Variants in PDE4D observed in about 807,000 individuals in gnomAD.
The protein encoded by PDE4D is phosphodiesterase 4D.
PDE4D carries 24 observed loss-of-function variants against 87.4 expected under a neutral mutation model. The observed-to-expected ratio is 0.27, with a 90% CI of 0.20 to 0.39. PDE4D has a LOEUF of 0.39. Among genes scored for constraint, PDE4D ranks in the 10% least tolerant of loss-of-function variants. The probability of loss-of-function intolerance (pLI) is 1.00; values close to 1 mark genes in which losing one functional copy is unlikely to be tolerated. For missense variants in PDE4D, 714 were observed against 1,041.0 expected, an observed-to-expected ratio of 0.69 and a Z score of 4.32; for synonymous variants, 384 against 383.2, an observed-to-expected ratio of 1.00 and a Z score of -0.02.
chr5:59,812,242 C>G (rs935967212), intron 1 of PDE4D, among the ~76,000 whole-genome samples: 2 of 152,206 alleles, frequency 1.3e-5, no homozygotes, highest in East Asian at 3.9e-4. Flanking sequence ...CTCCTTTTAT[C>G]TACTACCGCT....
intron 1 of PDE4D, among the ~76,000 whole-genome samples, chr5:59,290,490 G>C (rs759535597): frequency 6.6e-6 from 1 of 151,960 alleles, no homozygotes; most frequent in Non-Finnish European, 1.5e-5. Context: ...AAACATTGAA[G>C]AAAGTCTCTA....
At chr5:59,010,398 ATT>A (rs5868150) in intron 6 of PDE4D, among the ~76,000 whole-genome samples, 8 of 151,358 alleles carry the variant, frequency 5.3e-5, no homozygotes, top group Non-Finnish European at 1.2e-4. Flanking sequence ...TTATTATTTT[ATT>A]TTTTTTTAAT....
intron 1 of PDE4D, among the ~76,000 whole-genome samples, chr5:59,378,219 G>A (rs1785063684): frequency 1.3e-5 from 2 of 152,196 alleles, no homozygotes; most frequent in African/African-American, 4.8e-5. Context: ...TTATTAGTGG[G>A]AGCTAATTGA....
chr5:60,059,688 A>G (rs1380754535), intron 2 of PDE4D, among the ~76,000 whole-genome samples: 1 of 152,038 alleles, frequency 6.6e-6, no homozygotes, highest in African/African-American at 2.4e-5. Flanking sequence ...CAGGAGTGAC[A>G]TGGGGAACTG....
intron 1 of PDE4D, among the ~76,000 whole-genome samples, chr5:60,274,690 A>G (rs72755111): frequency 0.085 from 12,968 of 152,256 alleles, 588 homozygotes; most frequent in South Asian, 0.12. Context: ...AACAAGAAGT[A>G]TGTGCTCTTC....
At chr5:59,606,251 T>A (rs560444144) in intron 1 of PDE4D, among the ~76,000 whole-genome samples, 28 of 152,206 alleles carry the variant, frequency 1.8e-4, no homozygotes, top group African/African-American at 6.7e-4. Flanking sequence ...TTGTATTAAC[T>A]AAAGGAATTC....
At chr5:59,932,716 G>A (rs1756105952) in intron 3 of PDE4D, among the ~76,000 whole-genome samples, 1 of 152,162 alleles carries the variant, frequency 6.6e-6, no homozygotes, top group South Asian at 2.1e-4. Context: ...CCAACTTGGA[G>A]GAATCTGGAA....
chr5:59,489,891 T>C (rs1333594793), intron 1 of PDE4D, among the ~76,000 whole-genome samples: 1 of 152,188 alleles, frequency 6.6e-6, no homozygotes, highest in East Asian at 1.9e-4. Flanking sequence ...GCCGTTGTTT[T>C]CTTACACATA....
chr5:59,688,111 A>T (rs1179562608), intron 1 of PDE4D, among the ~76,000 whole-genome samples: 2 of 152,170 alleles, frequency 1.3e-5, no homozygotes, highest in Non-Finnish European at 2.9e-5. Context: ...CTCCCACACA[A>T]TAATAAAGAG....
intron 2 of PDE4D, among the ~76,000 whole-genome samples, chr5:60,110,126 C>T (rs1007028553): frequency 6.6e-6 from 1 of 151,966 alleles, no homozygotes; most frequent in African/African-American, 2.4e-5. Flanking sequence ...AACTATTTGG[C>T]TAAGACTTCA....
chr5:60,010,362 G>A (rs1764910929), intron 2 of PDE4D, among the ~76,000 whole-genome samples: 2 of 152,154 alleles, frequency 1.3e-5, no homozygotes, highest in South Asian at 4.1e-4. Context: ...TCTGAAACAT[G>A]TTTCTCTAAT....
intron 2 of PDE4D, among the ~76,000 whole-genome samples, chr5:60,105,446 T>A (rs555910680): frequency 1.2e-3 from 178 of 152,212 alleles, no homozygotes; most frequent in African/African-American, 3.4e-3. Context: ...CTGCAGGATA[T>A]TATCCAGGAG....
chr5:60,183,173 A>T (rs1347393338), intron 2 of PDE4D, among the ~76,000 whole-genome samples: 2 of 152,190 alleles, frequency 1.3e-5, no homozygotes, highest in Non-Finnish European at 2.9e-5. Context: ...GCTTACCAGG[A>T]ACAAAATTGG....
At chr5:59,882,896 G>GGTC (rs1168706669) in intron 1 of PDE4D, among the ~76,000 whole-genome samples, 2 of 151,946 alleles carry the variant, frequency 1.3e-5, no homozygotes, top group Non-Finnish European at 2.9e-5. Flanking sequence ...TCGTGTCTCA[G>GGTC]CCTCTTGAGT....
chr5:59,633,974 G>T (rs373212275), intron 1 of PDE4D, among the ~76,000 whole-genome samples: 1 of 152,078 alleles, frequency 6.6e-6, no homozygotes, highest in African/African-American at 2.4e-5. Flanking sequence ...CCATCAATGT[G>T]CTGTATTTAG....
chr5:60,474,149 T>TATATATAA (rs1212803987), intron 1 of PDE4D, among the ~76,000 whole-genome samples: 6 of 94,406 alleles, frequency 6.4e-5, no homozygotes, highest in African/African-American at 2.7e-4. Context: ...TATATATATA[T>TATATATAA]AACAAAAACC....
intron 1 of PDE4D, among the ~76,000 whole-genome samples, chr5:60,476,688 G>A (rs1288974113): frequency 6.6e-6 from 1 of 152,172 alleles, no homozygotes; most frequent in Non-Finnish European, 1.5e-5. Context: ...CATTCAGACA[G>A]CCTTGCATCC....
intron 1 of PDE4D, among the ~76,000 whole-genome samples, chr5:59,750,434 A>G (rs1005348449): frequency 6.6e-6 from 1 of 152,062 alleles, no homozygotes; most frequent in Admixed American, 6.6e-5. Context: ...AAATACGCCA[A>G]CCACATTTGG....
At chr5:59,135,804 G>T (rs1484796008) in intron 5 of PDE4D, among the ~76,000 whole-genome samples, 3 of 152,106 alleles carry the variant, frequency 2.0e-5, no homozygotes, top group Non-Finnish European at 2.9e-5. Context: ...CATTCATTTT[G>T]CAAATCTCTA....
Sources: gnomAD v4.1 joint callset for allele counts (sites outside exome capture counted in the v4.1 genomes callset) on GRCh38, gnomAD v4.1.1 for gene constraint, MANE v1.5 for transcripts, NCBI Gene and HGNC (gene_info 2026-07-23, HGNC 2026-07-21) for gene names.